Variants in C2CD3 observed in about 807,000 individuals in gnomAD.
C2CD3 encodes the protein C2 domain containing 3 centriole elongation regulator.
A neutral mutation model predicts 234.0 loss-of-function variants in C2CD3; 148 were observed. The ratio of observed to expected loss-of-function variants is 0.63; its 90% CI spans 0.55 to 0.72. The LOEUF (loss-of-function observed/expected upper bound fraction) is 0.72, where lower values mean the gene tolerates loss of function less well. Among genes scored for constraint, C2CD3 ranks in the 30% least tolerant of loss-of-function variants. The probability of loss-of-function intolerance (pLI) is 0.00; values close to 1 mark genes in which losing one functional copy is unlikely to be tolerated. For synonymous variants in C2CD3, 1,000 were observed against 1,035.4 expected (o/e 0.97, Z 0.66); for missense variants, 2,577 against 2,811.5 (o/e 0.92, Z 1.89).
rs116202173 is a variant in C2CD3 at position 74,066,858 on chromosome 11, A to G, written c.4951+7395T>C. Among the ~76,000 whole-genome samples the G allele has an allele frequency of 1.3e-3, 194 of 152,298 alleles. 2 individuals carry two copies. The highest frequency in any genetic ancestry group is 4.0e-3 in the African/African-American group (165 of 41,564). ...CACCAAAGTAACAATGATTCAGAGAAGAGTAAACATTAAACTCAGAGAAGA... is the reference window on the plus strand; with the variant it reads ...CACCAAAGTAACAATGATTCAGAGAGGAGTAAACATTAAACTCAGAGAAGA... On this transcript the variant is annotated intron_variant, in intron 24 of 32. Coordinates refer to ENST00000334126, the MANE Select transcript of C2CD3 (RefSeq NM_001286577.2).
chr11:74,148,047 CAAATTTTACAAATGTCTT>C (rs1443120585), intron 3 of C2CD3, among the ~76,000 whole-genome samples: 1 of 146,972 alleles, frequency 6.8e-6, no homozygotes, highest in Non-Finnish European at 1.5e-5. Flanking sequence ...TTAAATTTTA[CAAATTTTACAAATGTCTT>C]AAATTTTACA....
intron 3 of C2CD3, among the ~76,000 whole-genome samples, chr11:74,140,097 A>G (rs897149955): frequency 2.0e-5 from 3 of 151,106 alleles, no homozygotes; most frequent in Non-Finnish European, 4.4e-5. Context: ...ATTGTAAGGA[A>G]TGTCCCCCAT....
At chr11:74,093,311 A>G (rs1955970285) in intron 18 of C2CD3, among the ~76,000 whole-genome samples, 2 of 148,534 alleles carry the variant, frequency 1.3e-5, no homozygotes, top group Admixed American at 1.3e-4. Flanking sequence ...TATATTTTAT[A>G]ATATAAATCA....
At chr11:74,079,182 C>A (rs753395556) in intron 22 of C2CD3, among the ~76,000 whole-genome samples, 7 of 152,154 alleles carry the variant, frequency 4.6e-5, no homozygotes, top group Non-Finnish European at 8.8e-5. Flanking sequence ...AGACCCAAGT[C>A]TTCTATCAAG....
At position 74,108,629 on chromosome 11, in the gene C2CD3, G is replaced by C. The variant is rs559149702; in HGVS notation, c.1962+405C>G. On this transcript the variant is annotated intron_variant, in intron 12 of 32. Coordinates refer to ENST00000334126, the MANE Select transcript of C2CD3 (RefSeq NM_001286577.2). ...AATATAGCTACCTTTCTTTAGAAGG[G>C]AACAGCACAATAAAGAGGTTAAGAA... 2.0e-5 allele frequency among the ~76,000 whole-genome samples: 3 copies of C among 152,102 alleles called. No individual in the cohort carries two copies. The South Asian group carries it at 6.2e-4, about 31-fold the overall frequency.
At chr11:74,063,955 T>C (rs1056489172) in intron 24 of C2CD3, among the ~76,000 whole-genome samples, 3 of 152,186 alleles carry the variant, frequency 2.0e-5, no homozygotes, top group African/African-American at 7.2e-5. Flanking sequence ...AATGTGCAGG[T>C]TTGTTACATA....
rs1429054595 is a variant in C2CD3, at chr11:74,074,521, AAG to A, written c.4681_4682del (p.Leu1561PhefsTer5). 2 of 1,614,068 alleles carry A rather than the reference AAG, an allele frequency of 1.2e-6. No individual in the cohort carries two copies. The highest frequency in any genetic ancestry group is 1.1e-5 in the South Asian group (1 of 91,092). ...ALRVHVVLSS[L>X]SSHLEPTHEL... Reference sequence around the variant, plus strand: ...CATGAGTGGGCTCAAGGTGTGAGGAAAGAGAGGAAAGAACCACATGAACTCGC... The same window carrying A: ...CATGAGTGGGCTCAAGGTGTGAGGAAAGAGGAAAGAACCACATGAACTCGC... On this transcript the variant is annotated frameshift_variant, in exon 24 of 33. Transcript: ENST00000334126. LOFTEE classifies it high-confidence loss of function.
At chr11:74,170,176 C>A (rs1470028377) in intron 1 of C2CD3, among the ~76,000 whole-genome samples, 1 of 152,172 alleles carries the variant, frequency 6.6e-6, no homozygotes, top group African/African-American at 2.4e-5. Flanking sequence ...CCCTTACCCC[C>A]ACTCCAATCC....
chr11:74,121,707 C>T lies in C2CD3; in HGVS notation c.1365+1281G>A, dbSNP rs901770072. On this transcript the variant is annotated intron_variant, in intron 8 of 32. Transcript: ENST00000334126. ...AGCCATAAAAACACAAAACAAACAA[C>T]CCCCCCAAGTATTTAATAAATGACA... Among the ~76,000 whole-genome samples, 27 of 151,250 alleles carry T rather than the reference C, an allele frequency of 1.8e-4. 1 individual carries two copies. Among genetic ancestry groups the T allele is most frequent in the Admixed American group, 1.5e-3 (23 of 15,170 alleles).
At chr11:74,045,804 C>G (rs1041836058) in intron 28 of C2CD3, among the ~76,000 whole-genome samples, 1 of 152,124 alleles carries the variant, frequency 6.6e-6, no homozygotes, top group South Asian at 2.1e-4. Flanking sequence ...AACTCCTGAG[C>G]TCAAGCAATC....
intron 22 of C2CD3, among the ~76,000 whole-genome samples, chr11:74,083,203 A>G (rs1035875107): frequency 1.4e-4 from 22 of 152,308 alleles, no homozygotes; most frequent in Admixed American, 1.4e-3. Context: ...AGGATTCCCT[A>G]TTTAATAAAT....
chr11:74,093,697 A>T (rs1565285046), intron 18 of C2CD3, 119 bp downstream of exon 18: 1 of 650,918 alleles, frequency 1.5e-6, no homozygotes, highest in South Asian at 2.8e-5. Flanking sequence ...AACATAAAAC[A>T]GGGCTGAAGA....
chr11:74,152,203 G>C (rs190536542), intron 3 of C2CD3, among the ~76,000 whole-genome samples: 1 of 152,230 alleles, frequency 6.6e-6, no homozygotes, highest in East Asian at 1.9e-4. Flanking sequence ...CTAATATTAG[G>C]AATGAAAGAG....
intron 19 of C2CD3, 149 bp downstream of exon 19, chr11:74,092,267 C>T: frequency 1.7e-6 from 1 of 587,800 alleles, no homozygotes; most frequent in South Asian, 2.1e-5. Flanking sequence ...GTTGGTCAGG[C>T]TGGTCTCGAA....
intron 11 of C2CD3, among the ~76,000 whole-genome samples, chr11:74,112,143 C>A (rs1024884226): frequency 6.6e-6 from 1 of 152,060 alleles, no homozygotes; most frequent in Non-Finnish European, 1.5e-5. Context: ...TTAAAAATCC[C>A]GTGTTACTAT....
At chr11:74,114,774 T>C (rs889946527) in intron 9 of C2CD3, among the ~76,000 whole-genome samples, 181 bp from the exon 10 acceptor site, 1 of 152,164 alleles carries the variant, frequency 6.6e-6, no homozygotes, top group Non-Finnish European at 1.5e-5. Flanking sequence ...CGATCATGGC[T>C]TACTGCAGCC....
chr11:74,123,234 G>A (rs1481048938), intron 7 of C2CD3, 99 bp from the exon 8 acceptor site: 1 of 814,326 alleles, frequency 1.2e-6, no homozygotes, highest in East Asian at 2.7e-5. Flanking sequence ...AATGTGGAAG[G>A]AGATATGTTA....
At chr11:74,066,070 T>C (rs976301069) in intron 24 of C2CD3, among the ~76,000 whole-genome samples, 11 of 133,974 alleles carry the variant, frequency 8.2e-5, no homozygotes, top group African/African-American at 2.8e-4. Flanking sequence ...TAATAAAAAA[T>C]AAAATAGAAA....
chr11:74,065,902 C>G (rs1283354209), intron 24 of C2CD3, among the ~76,000 whole-genome samples: 1 of 98,232 alleles, frequency 1.0e-5, no homozygotes, highest in Non-Finnish European at 1.9e-5. Flanking sequence ...CATCACACAC[C>G]AGGGCCTGTC....
Sources: gnomAD v4.1 joint callset for allele counts (sites outside exome capture counted in the v4.1 genomes callset) on GRCh38, gnomAD v4.1.1 for gene constraint, MANE v1.5 for transcripts, NCBI Gene and HGNC (gene_info 2026-07-23, HGNC 2026-07-21) for gene names.